ROBO2: variants seen among roughly 807,000 people sequenced by gnomAD.
ROBO2 encodes roundabout guidance receptor 2.
A neutral mutation model predicts 160.8 loss-of-function variants in ROBO2; 53 were observed. The observed-to-expected ratio is 0.33, with a 90% CI of 0.26 to 0.41. The LOEUF is 0.41. Among genes scored for constraint, ROBO2 ranks in the 10% least tolerant of loss-of-function variants. The pLI is 1.00. For missense variants in ROBO2, 1,577 were observed against 1,722.4 expected (o/e 0.92, Z 1.49); for synonymous variants, 664 against 611.7 (o/e 1.09, Z -1.26).
intron 2 of ROBO2, among the ~76,000 whole-genome samples, chr3:76,359,157 T>G (rs1457959232): frequency 3.3e-5 from 5 of 151,954 alleles, no homozygotes; most frequent in Non-Finnish European, 5.9e-5. Context: ...CACATTTTCT[T>G]AATCCAGTCT....
rs569537782 is a variant in ROBO2 at position 76,172,116 on chromosome 3, G to T, written c.109+234514G>T. Among the ~76,000 whole-genome samples the T allele has an allele frequency of 5.7e-4, 87 of 152,180 alleles. 1 individual carries two copies. Among genetic ancestry groups the T allele is most frequent in the African/African-American group, 2.0e-3 (83 of 41,532 alleles). On this transcript the variant is annotated intron_variant, in intron 2 of 26. Transcript: ENST00000487694. ...AAAACCACTGCCCATGCGATAGTTT[G>T]CTGAGAATGATGGTTTCCAGCTTCA...
intron 2 of ROBO2, among the ~76,000 whole-genome samples, chr3:76,551,293 A>G (rs781372385): frequency 6.6e-5 from 10 of 151,976 alleles, no homozygotes; most frequent in Non-Finnish European, 1.5e-4. Flanking sequence ...GGAGCTACCT[A>G]CTAAAGGTCT....
chr3:76,429,264 C>T (rs1190022615), intron 2 of ROBO2, among the ~76,000 whole-genome samples: 1 of 151,946 alleles, frequency 6.6e-6, no homozygotes, highest in East Asian at 1.9e-4. Context: ...GTCTAGACCT[C>T]ATGCTTATAG....
chr3:77,284,004 T>C, intron 2 of ROBO2, among the ~76,000 whole-genome samples: 1 of 152,198 alleles, frequency 6.6e-6, no homozygotes, highest in East Asian at 1.9e-4. Context: ...TAAGTTTTAC[T>C]TGGAATTTGC....
intron 2 of ROBO2, among the ~76,000 whole-genome samples, chr3:76,300,869 A>G (rs1709320499): frequency 6.6e-6 from 1 of 152,064 alleles, no homozygotes; most frequent in South Asian, 2.1e-4. Context: ...ATTAGGTTTA[A>G]TGCTACAGGA....
At chr3:76,552,561 C>T (rs902464950) in intron 2 of ROBO2, among the ~76,000 whole-genome samples, 2 of 152,186 alleles carry the variant, frequency 1.3e-5, no homozygotes, top group African/African-American at 4.8e-5. Flanking sequence ...TATTAAACAA[C>T]TCTTTTCTGC....
intron 2 of ROBO2, among the ~76,000 whole-genome samples, chr3:76,801,024 T>C (rs2064156993): frequency 6.6e-6 from 1 of 151,870 alleles, no homozygotes; most frequent in African/African-American, 2.4e-5. Context: ...GACAAATGAA[T>C]AAAAGAAAAC....
chr3:77,399,691 G>A (rs2075619716), intron 2 of ROBO2, among the ~76,000 whole-genome samples: 1 of 152,122 alleles, frequency 6.6e-6, no homozygotes, highest in African/African-American at 2.4e-5. Flanking sequence ...TAGAGTTCGT[G>A]CAGTCTCCTT....
At chr3:77,324,391 C>T (rs1446509618) in intron 2 of ROBO2, among the ~76,000 whole-genome samples, 3 of 152,162 alleles carry the variant, frequency 2.0e-5, no homozygotes, top group African/African-American at 7.2e-5. Flanking sequence ...GGACTGTGAC[C>T]TGCCAACATA....
At chr3:77,636,563 G>T (rs1009681211) in intron 24 of ROBO2, among the ~76,000 whole-genome samples, 1 of 151,976 alleles carries the variant, frequency 6.6e-6, no homozygotes, top group African/African-American at 2.4e-5. Context: ...CTGCACTCCA[G>T]CCTGGGCAAC....
chr3:76,642,682 C>G (rs894537314), intron 2 of ROBO2, among the ~76,000 whole-genome samples: 2 of 151,974 alleles, frequency 1.3e-5, no homozygotes, highest in Non-Finnish European at 2.9e-5. Flanking sequence ...TTTTGACATG[C>G]TGGGTACTAC....
chr3:77,580,527 G>A (rs542665383), intron 16 of ROBO2, among the ~76,000 whole-genome samples: 199 of 152,104 alleles, frequency 1.3e-3, no homozygotes, highest in African/African-American at 4.5e-3. Context: ...GTCAGAATAA[G>A]CTTTGTAATC....
intron 2 of ROBO2, among the ~76,000 whole-genome samples, chr3:76,477,303 A>G (rs2078979592): frequency 6.6e-6 from 1 of 152,056 alleles, no homozygotes; most frequent in African/African-American, 2.4e-5. Context: ...TTTTCTCGCC[A>G]ATCTGTCACT....
intron 2 of ROBO2, among the ~76,000 whole-genome samples, chr3:76,277,169 T>TA (rs1707974612): frequency 1.3e-5 from 2 of 152,036 alleles, no homozygotes; most frequent in Non-Finnish European, 2.9e-5. Context: ...TTCTTTTTTT[T>TA]ACTCTTATTC....
chr3:77,563,866 G>A (rs1012318631), intron 11 of ROBO2, among the ~76,000 whole-genome samples: 3 of 151,996 alleles, frequency 2.0e-5, no homozygotes, highest in Non-Finnish European at 2.9e-5. Flanking sequence ...TTGCTTAATG[G>A]AAAAGATGTT....
At chr3:77,118,177 A>G (rs1439269943) in intron 2 of ROBO2, among the ~76,000 whole-genome samples, 1 of 152,132 alleles carries the variant, frequency 6.6e-6, no homozygotes, top group Non-Finnish European at 1.5e-5. Context: ...TTCTGTGGAA[A>G]CCTTTAGTAG....
intron 2 of ROBO2, among the ~76,000 whole-genome samples, chr3:76,687,076 C>T (rs373989744): frequency 6.6e-6 from 1 of 151,964 alleles, no homozygotes; most frequent in East Asian, 1.9e-4. Flanking sequence ...TGCACGTATT[C>T]ATGTATAGGT....
At chr3:77,399,832 G>T (rs2075630907) in intron 2 of ROBO2, among the ~76,000 whole-genome samples, 1 of 152,072 alleles carries the variant, frequency 6.6e-6, no homozygotes, top group Non-Finnish European at 1.5e-5. Flanking sequence ...ATTATCTTTG[G>T]AAAACTGAGG....
At chr3:76,402,972 T>G (rs1158005188) in intron 2 of ROBO2, among the ~76,000 whole-genome samples, 1 of 151,636 alleles carries the variant, frequency 6.6e-6, no homozygotes, top group Non-Finnish European at 1.5e-5. Context: ...TGACAGAATC[T>G]GACAGTTTTG....
Sources: gnomAD v4.1 joint callset for allele counts (sites outside exome capture counted in the v4.1 genomes callset) on GRCh38, gnomAD v4.1.1 for gene constraint, MANE v1.5 for transcripts, NCBI Gene and HGNC (gene_info 2026-07-23, HGNC 2026-07-21) for gene names.